Variants in PLA2G4E observed in about 807,000 individuals in gnomAD.
PLA2G4E encodes phospholipase A2 group IVE.
Under a neutral mutation model 109.1 loss-of-function variants are expected in PLA2G4E, and 84 were observed. The observed-to-expected ratio is 0.77, with a 90% CI of 0.65 to 0.92. The LOEUF is 0.92. Among genes scored for constraint, PLA2G4E ranks in the 40% least tolerant of loss-of-function variants. The probability of loss-of-function intolerance (pLI) is 0.00; values close to 1 mark genes in which losing one functional copy is unlikely to be tolerated. For synonymous variants in PLA2G4E, 469 were observed against 436.1 expected (o/e 1.08, Z -0.94); for missense variants, 1,057 against 1,076.6 (o/e 0.98, Z 0.25).
At chr15:42,002,264 CAAAAAAAAAAA>C (rs71108143) in intron 6 of PLA2G4E, among the ~76,000 whole-genome samples, 3 of 73,234 alleles carry the variant, frequency 4.1e-5, no homozygotes, top group Admixed American at 1.7e-4. Context: ...GACCTTGTCT[CAAAAAAAAAAA>C]AAAAAAAAAA....
At chr15:42,032,869 C>T (rs564863689) in intron 1 of PLA2G4E, among the ~76,000 whole-genome samples, 13 of 152,182 alleles carry the variant, frequency 8.5e-5, no homozygotes, top group East Asian at 5.8e-4. Context: ...GTGAGGGGAC[C>T]GAGATTTGGG....
chr15:42,018,217 A>T (rs2068614880), intron 1 of PLA2G4E, among the ~76,000 whole-genome samples: 1 of 152,144 alleles, frequency 6.6e-6, no homozygotes, highest in South Asian at 2.1e-4. Flanking sequence ...CATGGCCTGG[A>T]GGTAATTAAT....
chr15:41,984,767 A>G (rs1595554615), intron 18 of PLA2G4E, 148 bp from the exon 19 acceptor site: 1 of 733,500 alleles, frequency 1.4e-6, no homozygotes, highest in East Asian at 3.0e-5. Flanking sequence ...TTGAGACTAA[A>G]GCCAGGTCAG....
intron 9 of PLA2G4E, 37 bp from the exon 10 acceptor site, chr15:41,999,598 C>A: frequency 1.9e-6 from 3 of 1,605,536 alleles, no homozygotes; most frequent in Non-Finnish European, 2.6e-6. Flanking sequence ...TCAGAGGTGA[C>A]AATTCAGAGC....
chr15:42,030,587 G>T (rs1367851700), intron 1 of PLA2G4E, among the ~76,000 whole-genome samples: 1 of 152,236 alleles, frequency 6.6e-6, no homozygotes, highest in African/African-American at 2.4e-5. Flanking sequence ...GTGTGAGAGG[G>T]AGATGGTGGG....
intron 15 of PLA2G4E, among the ~76,000 whole-genome samples, 157 bp downstream of exon 15, chr15:41,989,258 C>A (rs1016028241): frequency 1.3e-5 from 2 of 152,150 alleles, no homozygotes; most frequent in African/African-American, 4.8e-5. Context: ...ATTGGGAGAG[C>A]CCCCAGACCA....
chr15:41,986,965 A>C, intron 17 of PLA2G4E: 1 of 600,528 alleles, frequency 1.7e-6, no homozygotes, highest in Non-Finnish European at 3.0e-6. Flanking sequence ...GCAGTGAGTT[A>C]AGTACCCACA....
chr15:42,026,964 C>T (rs998819476), intron 1 of PLA2G4E, among the ~76,000 whole-genome samples: 42 of 129,214 alleles, frequency 3.3e-4, no homozygotes, highest in Non-Finnish European at 5.7e-4. Context: ...CAGAGCAAGA[C>T]TCTATCTCAA....
chr15:42,001,171 C>T (rs760086380), exon 7 of PLA2G4E: 1 of 1,613,648 alleles, frequency 6.2e-7, no homozygotes, highest in Non-Finnish European at 8.5e-7. Flanking sequence ...CTCCCTCTTC[C>T]TCCGCCTCCT....
At chr15:42,026,731 G>C (rs1483182936) in intron 1 of PLA2G4E, among the ~76,000 whole-genome samples, 1 of 152,180 alleles carries the variant, frequency 6.6e-6, no homozygotes, top group Non-Finnish European at 1.5e-5. Flanking sequence ...CCAGTACTGT[G>C]AGAGGCCGAG....
chr15:42,004,649 C>A (rs958500973), intron 5 of PLA2G4E, among the ~76,000 whole-genome samples: 1 of 152,130 alleles, frequency 6.6e-6, no homozygotes. Context: ...CCAGAAGCCA[C>A]CCTTGGGAAT....
intron 7 of PLA2G4E, among the ~76,000 whole-genome samples, chr15:42,000,609 C>A (rs767969465): frequency 6.6e-6 from 1 of 152,208 alleles, no homozygotes; most frequent in African/African-American, 2.4e-5. Context: ...GCAGACCCTC[C>A]GCACACTGTC....
chr15:41,982,156 A>G (rs1031731452), exon 20 of PLA2G4E: 1 of 152,198 alleles, frequency 6.6e-6, no homozygotes, highest in African/African-American at 2.4e-5. Context: ...CAACCCAAAG[A>G]CTGCTTAGGG....
chr15:42,041,283 T>C (rs1712430), intron 1 of PLA2G4E, among the ~76,000 whole-genome samples: 109,834 of 152,000 alleles, frequency 0.72, 40,540 homozygotes, highest in Non-Finnish European at 0.8. Flanking sequence ...TTTGGTTTAA[T>C]GAGGGATAGG....
intron 1 of PLA2G4E, among the ~76,000 whole-genome samples, chr15:42,017,139 T>C (rs2068603104): frequency 6.6e-6 from 1 of 152,220 alleles, no homozygotes; most frequent in Admixed American, 6.5e-5. Flanking sequence ...CTGAGGGATA[T>C]TCCACAGTGT....
chr15:41,984,410 G>A, intron 19 of PLA2G4E, 26 bp downstream of exon 19: 2 of 1,593,490 alleles, frequency 1.3e-6, no homozygotes, highest in Non-Finnish European at 1.7e-6. Context: ...AGCAGGTGCT[G>A]GGAACTGAGC....
chr15:42,027,153 A>G (rs1197438665), intron 1 of PLA2G4E, among the ~76,000 whole-genome samples: 2 of 152,198 alleles, frequency 1.3e-5, no homozygotes, highest in Non-Finnish European at 1.5e-5. Context: ...GCAGAACAAC[A>G]TGATGGGTCT....
In PLA2G4E at chr15:42,042,402, T is replaced by C. The variant is rs115633890; in HGVS notation, c.183+8119A>G. Among the ~76,000 whole-genome samples the C allele has an allele frequency of 7.2e-3, 1,097 of 152,328 alleles. 20 individuals carry two copies. The highest frequency in any genetic ancestry group is 0.025 in the African/African-American group (1,050 of 41,580). On this transcript the variant is annotated intron_variant, in intron 1 of 19. Transcript: ENST00000399518. ...TATTTTCTCTATTACATTTTTCAAA[T>C]TTTGTAATGTCTATACTGAATACAT...
At chr15:42,031,948 T>C (rs1018622603) in intron 1 of PLA2G4E, among the ~76,000 whole-genome samples, 9 of 152,158 alleles carry the variant, frequency 5.9e-5, no homozygotes, top group Non-Finnish European at 8.8e-5. Flanking sequence ...TGGGAAGTAT[T>C]TGGGTCATGG....
Sources: allele counts gnomAD v4.1 joint callset (sites outside exome capture counted in the v4.1 genomes callset), GRCh38; gene constraint gnomAD v4.1.1; transcripts MANE v1.5; gene names NCBI Gene and HGNC (gene_info 2026-07-23, HGNC 2026-07-21).